PLA2G12A: variants seen among roughly 807,000 people sequenced by gnomAD.
PLA2G12A encodes the protein group XIIA secretory phospholipase A2.
PLA2G12A carries 11 observed loss-of-function variants against 16.0 expected under a neutral mutation model. The ratio of observed to expected loss-of-function variants is 0.69; its 90% CI spans 0.43 to 1.13. The LOEUF (loss-of-function observed/expected upper bound fraction) is 1.13, where lower values mean the gene tolerates loss of function less well. PLA2G12A is among the 50% of genes most tolerant of loss of function. The probability of loss-of-function intolerance (pLI) is 0.00; values close to 1 mark genes in which losing one functional copy is unlikely to be tolerated. For synonymous variants in PLA2G12A, 77 were observed against 93.8 expected (o/e 0.82, Z 1.03); for missense variants, 214 against 237.3 (o/e 0.90, Z 0.65).
chr4:109,729,840 A>G lies in PLA2G12A; in HGVS notation c.-31T>C, dbSNP rs1430870560. 3.3e-6 allele frequency: 5 copies of G among 1,533,290 alleles called. No homozygotes were observed. The highest frequency in any genetic ancestry group is 4.4e-6 in the Non-Finnish European group (5 of 1,138,236). The allele number at this position is 1,533,290 out of a possible 1,614,324, so 95.0% of individuals were successfully genotyped here. ...CAGCGCCGGGCTCTACGGGTCCCCGAGCCGCGGCGCGGGGCGCGTCCCCAC... is the reference window on the plus strand; with the variant it reads ...CAGCGCCGGGCTCTACGGGTCCCCGGGCCGCGGCGCGGGGCGCGTCCCCAC... On this transcript the variant is annotated 5_prime_UTR_variant, in exon 1 of 4. Coordinates refer to ENST00000243501, the MANE Select transcript of PLA2G12A (RefSeq NM_030821.5).
chr4:109,720,574 CAAAAAAAAAAAAAAAAA>C (rs61477793), intron 1 of PLA2G12A, among the ~76,000 whole-genome samples: 45 of 37,456 alleles, frequency 1.2e-3, no homozygotes, highest in African/African-American at 4.7e-3. Flanking sequence ...TGTCTGTATT[CAAAAAAAAAAAAAAAAA>C]AAAAAAAAAA....
chr4:109,730,007 G>A lies in PLA2G12A; in HGVS notation c.-198C>T, dbSNP rs1561275042. 1 of 526,676 alleles carries A rather than the reference G, an allele frequency of 1.9e-6. No individual in the cohort carries two copies. The highest frequency in any genetic ancestry group is 2.1e-5 in the African/African-American group (1 of 48,606). 32.6% of individuals were successfully genotyped at this position (526,676 alleles called of 1,614,324 possible). A position where few individuals can be genotyped will look rare whatever the true frequency, so the allele number is the denominator to read the frequency against. The stretch of plus-strand genomic sequence containing the variant: ...GCCTCGGGCAGGCAGCGCCGTCGCG[G>A]GGACGCGCCCGCTCACCTGGACCAG... On this transcript the variant is annotated 5_prime_UTR_variant, in exon 1 of 4. Coordinates refer to ENST00000243501, the MANE Select transcript of PLA2G12A (RefSeq NM_030821.5).
At position 109,717,649 on chromosome 4, in the gene PLA2G12A, C is replaced by T; in HGVS notation, c.350G>A (p.Cys117Tyr). 2 of 1,613,974 alleles carry T rather than the reference C, an allele frequency of 1.2e-6. No homozygotes were observed. The highest frequency in any genetic ancestry group is 2.2e-5 in the East Asian group (1 of 44,878). The change falls in exon 3 of 4, where the codon TGT becomes TAT. Residue 117 changes from cysteine to tyrosine, a missense_variant. Cys to Tyr is a radical substitution (Grantham distance 194, BLOSUM62 -2). Transcript: ENST00000243501. ...CNQHDRCYET[C>Y]GKSKNDCDEE... ...ATCACAGTCATTCTTGCTTTTGCCA[C>T]AGGTCTCATAGCACCTGTCGTGTTG...
intron 1 of PLA2G12A, among the ~76,000 whole-genome samples, chr4:109,727,180 G>A (rs768210213): frequency 7.3e-5 from 11 of 151,610 alleles, no homozygotes; most frequent in Admixed American, 2.6e-4. Context: ...GCACGGTCTC[G>A]GCTCACTGCA....
chr4:109,717,699 G>A lies in PLA2G12A; in HGVS notation c.300C>T (p.Ile100=). ...GGTTGCAACACTTTGTCAGGGAAGG[G>A]ATACCAATGTTAAGCTGCAAAAGGC... ...PLFGVHLNIG[I]PSLTKCCNQH... The change falls in exon 3 of 4, where the codon ATC becomes ATT. Residue 100 remains isoleucine, a synonymous_variant. Coordinates refer to ENST00000243501, the MANE Select transcript of PLA2G12A (RefSeq NM_030821.5). The A allele has an allele frequency of 6.2e-7, 1 of 1,613,928 alleles. No homozygotes were observed. Among genetic ancestry groups the A allele is most frequent in the Non-Finnish European group, 8.5e-7 (1 of 1,179,860 alleles).
intron 3 of PLA2G12A, 90 bp downstream of exon 3, chr4:109,717,458 T>C (rs1383414790): frequency 2.2e-6 from 3 of 1,336,514 alleles, no homozygotes; most frequent in African/African-American, 2.9e-5. Context: ...ATGTGAAAGA[T>C]TTCTATTGGT....
At chr4:109,715,003 G>A (rs892350461) in intron 3 of PLA2G12A, among the ~76,000 whole-genome samples, 2 of 151,790 alleles carry the variant, frequency 1.3e-5, no homozygotes, top group South Asian at 2.1e-4. Flanking sequence ...TAGATATGAG[G>A]TCTCACTATG....
At chr4:109,720,617 ATATATATATATATATATATATATATATG>A (rs1730920819) in intron 1 of PLA2G12A, among the ~76,000 whole-genome samples, 2 of 90,280 alleles carry the variant, frequency 2.2e-5, no homozygotes, top group African/African-American at 1.2e-4. Flanking sequence ...ATATATATAT[ATATATATATATATATATATATATATATG>A]AATTTTAAAA....
chr4:109,728,820 T>C (rs1722987899), intron 1 of PLA2G12A, among the ~76,000 whole-genome samples: 1 of 152,180 alleles, frequency 6.6e-6, no homozygotes, highest in South Asian at 2.1e-4. Flanking sequence ...CTCTTAACAT[T>C]TTCAATTTCC....
intron 1 of PLA2G12A, among the ~76,000 whole-genome samples, chr4:109,727,238 G>A (rs1722958807): frequency 6.6e-6 from 1 of 151,892 alleles, no homozygotes; most frequent in Non-Finnish European, 1.5e-5. Context: ...AGCCTCCCAA[G>A]TAGCTGGGAC....
chr4:109,724,996 T>A (rs1561273420), intron 1 of PLA2G12A, among the ~76,000 whole-genome samples: 1 of 152,222 alleles, frequency 6.6e-6, no homozygotes, highest in Non-Finnish European at 1.5e-5. Flanking sequence ...TAATGTCATT[T>A]CTTCAGAGAG....
Position 109,710,422 on chromosome 4 carries a change from T to C in PLA2G12A, c.*3955A>G, listed in dbSNP as rs1730701722. ...ATACTTCTATAAATACTAAGATAAA[T>C]AATCACTCTTTTAAATTTAGAGAGA... On this transcript the variant is annotated 3_prime_UTR_variant, in exon 4 of 4. Transcript: ENST00000243501. The C allele has an allele frequency of 6.6e-6, 1 of 152,244 alleles. No individual in the cohort carries two copies. Among genetic ancestry groups the C allele is most frequent in the South Asian group, 2.1e-4 (1 of 4,834 alleles). 9.4% of individuals were successfully genotyped at this position (152,244 alleles called of 1,614,324 possible).
rs1561272147 is a variant in PLA2G12A, at chr4:109,720,640, T to TAC, written c.209-1882_209-1881insGT. ...ATATATATATATATATATATATATA[T>TAC]ATATGAATTTTAAAAAAATAAAAAA... On this transcript the variant is annotated intron_variant, in intron 1 of 3. Transcript: ENST00000243501. 5.2e-4 allele frequency among the ~76,000 whole-genome samples: 57 copies of TAC among 108,852 alleles called. 1 individual carries two copies. The highest frequency in any genetic ancestry group is 2.0e-3 in the African/African-American group (56 of 28,164). The allele number at this position is 108,852 out of a possible 152,430, so 71.4% of individuals were successfully genotyped here. A position where few individuals can be genotyped will look rare whatever the true frequency, so the allele number is the denominator to read the frequency against.
Position 109,712,168 on chromosome 4 carries a change from G to A in PLA2G12A, c.*2209C>T, listed in dbSNP as rs148330651. 3.3e-5 allele frequency: 5 copies of A among 152,318 alleles called. No homozygotes were observed. The highest frequency in any genetic ancestry group is 2.1e-4 in the South Asian group (1 of 4,818). The allele number at this position is 152,318 out of a possible 1,614,324, so 9.4% of individuals were successfully genotyped here. A position where few individuals can be genotyped will look rare whatever the true frequency, so the allele number is the denominator to read the frequency against. On this transcript the variant is annotated 3_prime_UTR_variant, in exon 4 of 4. Coordinates refer to ENST00000243501, the MANE Select transcript of PLA2G12A (RefSeq NM_030821.5). ...ATCTGAAAAATAAAGTCAAAGTTCC[G>A]TTAATAGTAATTGCCATTGCTGGTT...
intron 1 of PLA2G12A, among the ~76,000 whole-genome samples, chr4:109,720,588 A>T (rs1579124528): frequency 1.5e-5 from 1 of 65,352 alleles, no homozygotes; most frequent in Non-Finnish European, 2.6e-5. Context: ...AAAAAAAAAA[A>T]AAAAAAAAAA....
At chr4:109,728,004 A>G (rs1044253832) in intron 1 of PLA2G12A, among the ~76,000 whole-genome samples, 1 of 152,178 alleles carries the variant, frequency 6.6e-6, no homozygotes, top group Non-Finnish European at 1.5e-5. Flanking sequence ...AAACCTTCAG[A>G]GTCATCCTTG....
chr4:109,718,299 C>T (rs1383175391), intron 2 of PLA2G12A, among the ~76,000 whole-genome samples: 1 of 152,018 alleles, frequency 6.6e-6, no homozygotes, highest in African/African-American at 2.4e-5. Flanking sequence ...ACATTTTTTT[C>T]CCATAATACT....
In PLA2G12A at chr4:109,712,346, C is replaced by T. The variant is rs1730748583; in HGVS notation, c.*2031G>A. ...TTTTTTTTAATCTGAACATAAAAAA[C>T]TGTTTCTACTGATTTTTGTATAATT... On this transcript the variant is annotated 3_prime_UTR_variant, in exon 4 of 4. Transcript: ENST00000243501. 1 of 151,908 alleles carries T rather than the reference C, an allele frequency of 6.6e-6. No individual in the cohort carries two copies. Among genetic ancestry groups the T allele is most frequent in the Non-Finnish European group, 1.5e-5 (1 of 67,980 alleles). 9.4% of individuals were successfully genotyped at this position (151,908 alleles called of 1,614,324 possible). A position where few individuals can be genotyped will look rare whatever the true frequency, so the allele number is the denominator to read the frequency against.
At position 109,720,585 on chromosome 4, in the gene PLA2G12A, AAAAAAAAAAAAAAAAAAAAATATATAT is replaced by A. The variant is rs1393175582; in HGVS notation, c.209-1853_209-1827del. On this transcript the variant is annotated intron_variant, in intron 1 of 3. Transcript: ENST00000243501. ...ACTCTGTCTGTATTCAAAAAAAAAA[AAAAAAAAAAAAAAAAAAAAATATATAT>A]ATATATATATATATATATATATATA... Among the ~76,000 whole-genome samples, 11 of 51,666 alleles carry A rather than the reference AAAAAAAAAAAAAAAAAAAAATATATAT, an allele frequency of 2.1e-4. No individual in the cohort carries two copies. In the South Asian group the frequency reaches 3.5e-3, roughly 17 times the overall value. 33.9% of individuals were successfully genotyped at this position (51,666 alleles called of 152,430 possible).
Sources: allele counts gnomAD v4.1 joint callset (sites outside exome capture counted in the v4.1 genomes callset), GRCh38; gene constraint gnomAD v4.1.1; transcripts MANE v1.5; gene names NCBI Gene and HGNC (gene_info 2026-07-23, HGNC 2026-07-21).